ITGB4: variants seen among roughly 807,000 people sequenced by gnomAD.
ITGB4 encodes the protein integrin beta-4.
A neutral mutation model predicts 207.6 loss-of-function variants in ITGB4; 159 were observed. The ratio of observed to expected loss-of-function variants is 0.77; its 90% CI spans 0.67 to 0.87. The LOEUF (loss-of-function observed/expected upper bound fraction) is 0.87, where lower values mean the gene tolerates loss of function less well. Ranked by LOEUF, ITGB4 falls within the 40% of genes least tolerant of loss-of-function variation. The probability of loss-of-function intolerance (pLI) is 0.00; values close to 1 mark genes in which losing one functional copy is unlikely to be tolerated. For missense variants in ITGB4, 2,278 were observed against 2,546.8 expected, an observed-to-expected ratio of 0.89 and a Z score of 2.27; for synonymous variants, 1,020 against 1,062.7, an observed-to-expected ratio of 0.96 and a Z score of 0.78.
At chr17:75,749,244 T>C (rs1295122937) in intron 27 of ITGB4, among the ~76,000 whole-genome samples, 199 bp downstream of exon 27, 4 of 151,640 alleles carry the variant, frequency 2.6e-5, no homozygotes, top group Non-Finnish European at 5.9e-5. Context: ...TTTTGCAAAA[T>C]GGGCTGGGTA....
At chr17:75,741,761 G>T (rs968512709) in intron 23 of ITGB4, among the ~76,000 whole-genome samples, 1 of 151,648 alleles carries the variant, frequency 6.6e-6, no homozygotes, top group Non-Finnish European at 1.5e-5. Context: ...AGCCGAGATT[G>T]CGCCACTGCA....
In ITGB4 at chr17:75,732,357, C is replaced by A; in HGVS notation, c.1454+118C>A. The A allele has an allele frequency of 1.0e-6, 1 of 993,134 alleles. No individual in the cohort carries two copies. Among genetic ancestry groups the A allele is most frequent in the Non-Finnish European group, 1.6e-6 (1 of 636,360 alleles). 61.5% of individuals were successfully genotyped at this position (993,134 alleles called of 1,614,324 possible). On this transcript the variant is annotated intron_variant, in intron 12 of 39. Coordinates refer to ENST00000200181, the MANE Select transcript of ITGB4 (RefSeq NM_000213.5). The surrounding 1 kb of genome is among the most constrained non-coding windows in gnomAD (Gnocchi z 5.3). ...GTACACCTGGCTGGGGGTGGGGCGG[C>A]AATCAAAGAAACGGCTAAGGGCGGG...
intron 23 of ITGB4, among the ~76,000 whole-genome samples, chr17:75,741,450 G>C (rs369584326): frequency 6.6e-6 from 1 of 152,104 alleles, no homozygotes; most frequent in East Asian, 1.9e-4. Context: ...GGAGAGAGAG[G>C]GAGTGAGGAG....
intron 2 of ITGB4, among the ~76,000 whole-genome samples, chr17:75,726,554 G>A (rs373823927): frequency 2.4e-4 from 37 of 151,648 alleles, no homozygotes; most frequent in African/African-American, 8.7e-4. Flanking sequence ...CAACATGGTG[G>A]AACCCCATCT....
At position 75,731,326 on chromosome 17, in the gene ITGB4, G is replaced by C. The variant is rs767417049; in HGVS notation, c.1173G>C (p.Gln391His). ...CAGAGGTCACCTCCAAGATGTTCCA[G>C]AAGACGAGGACTGGGTCCTTTCACA... ...LRTEVTSKMF[Q>H]KTRTGSFHIR... Residue 391 changes from glutamine (Q) to histidine (H), a missense_variant, in exon 10 of 40, where the codon CAG becomes CAC. By Grantham distance (24) the Gln-to-His change is conservative. Transcript: ENST00000200181. This position sits in a 1 kb window ranked among gnomAD's most constrained non-coding sequence, Gnocchi z 6.8. The C allele has an allele frequency of 1.4e-5, 23 of 1,613,364 alleles. No individual in the cohort carries two copies. In the African/African-American group the frequency reaches 2.9e-4, roughly 21 times the overall value.
At chr17:75,756,676 G>A in intron 36 of ITGB4, 28 bp from the exon 37 acceptor site, 2 of 1,613,278 alleles carry the variant, frequency 1.2e-6, no homozygotes, top group Non-Finnish European at 8.5e-7. Context: ...CCACCCACAG[G>A]CTGATGCTCT....
rs776702719 is a variant in ITGB4, at chr17:75,740,496, T to C, written c.2550+35T>C. The C allele has an allele frequency of 6.5e-7, 1 of 1,528,440 alleles. No individual in the cohort carries two copies. Among genetic ancestry groups the C allele is most frequent in the South Asian group, 1.1e-5 (1 of 89,100 alleles). The allele number at this position is 1,528,440 out of a possible 1,614,324, so 94.7% of individuals were successfully genotyped here. A position where few individuals can be genotyped will look rare whatever the true frequency, so the allele number is the denominator to read the frequency against. Reference sequence around the variant, plus strand: ...CAGGAACTAGGCCTGGCCGGAGATGTGGGTATGAGGGCGGGTGAGGTGGGC... The same window carrying C: ...CAGGAACTAGGCCTGGCCGGAGATGCGGGTATGAGGGCGGGTGAGGTGGGC... On this transcript the variant is annotated intron_variant, in intron 21 of 39. Transcript: ENST00000200181. This position sits in a 1 kb window ranked among gnomAD's most constrained non-coding sequence, Gnocchi z 5.9.
chr17:75,753,683 G>A, intron 32 of ITGB4, 82 bp from the exon 33 acceptor site: 1 of 959,210 alleles, frequency 1.0e-6, no homozygotes, highest in South Asian at 4.5e-5. Context: ...TCCCCTCGCA[G>A]AGCCTACGGC....
At position 75,726,205 on chromosome 17, in the gene ITGB4, G is replaced by A. The variant is rs555698095; in HGVS notation, c.80-990G>A. On this transcript the variant is annotated intron_variant, in intron 2 of 39. Coordinates refer to ENST00000200181, the MANE Select transcript of ITGB4 (RefSeq NM_000213.5). ...CAGTGGCTCACGCCTATAATTCCCAGCACTTTGGGAGGCCAAGGTGGGAGG... is the reference window on the plus strand; with the variant it reads ...CAGTGGCTCACGCCTATAATTCCCAACACTTTGGGAGGCCAAGGTGGGAGG... Among the ~76,000 whole-genome samples the A allele has an allele frequency of 3.3e-5, 5 of 152,344 alleles. No homozygotes were observed. The East Asian group carries it at 9.6e-4, about 29-fold the overall frequency.
rs1304067060 is a variant in ITGB4, at chr17:75,727,674, G to A, written c.288G>A (p.Leu96=). The part of the protein sequence containing the change: ...ITEETQIDTT[L]RRSQMSPQGL... ...AGGAGACCCAGATTGACACCACCCT[G>A]CGGCGCAGCCAGATGTCCCCCCAAG... The change falls in exon 5 of 40, where the codon CTG becomes CTA. Residue 96 remains leucine, a synonymous_variant. Coordinates refer to ENST00000200181, the MANE Select transcript of ITGB4 (RefSeq NM_000213.5). This position sits in a 1 kb window ranked among gnomAD's most constrained non-coding sequence, Gnocchi z 6.0. The A allele has an allele frequency of 6.2e-7, 1 of 1,609,344 alleles. No homozygotes were observed. Among genetic ancestry groups the A allele is most frequent in the African/African-American group, 1.3e-5 (1 of 74,976 alleles).
Position 75,736,781 on chromosome 17 carries a change from G to T in ITGB4, c.1990+87G>T, listed in dbSNP as rs2060988463. 6 of 1,446,822 alleles carry T rather than the reference G, an allele frequency of 4.1e-6. No individual in the cohort carries two copies. In the African/African-American group the frequency reaches 4.2e-5, roughly 10 times the overall value. 89.6% of individuals were successfully genotyped at this position (1,446,822 alleles called of 1,614,324 possible). On this transcript the variant is annotated intron_variant, in intron 16 of 39. Coordinates refer to ENST00000200181, the MANE Select transcript of ITGB4 (RefSeq NM_000213.5). ...CAAGGGTGTCATCACCTGGACGGGG[G>T]CTTGCAGTCTGGGCTAAGGTCACAC...
In ITGB4 at chr17:75,757,539, A is replaced by C; in HGVS notation, c.5453A>C (p.Gln1818Pro). Residue 1818 changes from glutamine to proline, a missense_variant, in exon 40 of 40, where the codon CAG becomes CCG. Coordinates refer to ENST00000200181, the MANE Select transcript of ITGB4 (RefSeq NM_000213.5). Reference protein sequence around the residue: ...SGTLSTHMDQQFFQT With the variant: ...SGTLSTHMDQPFFQT Reference sequence around the variant, plus strand: ...ACCCTTAGCACCCACATGGACCAACAGTTCTTCCAAACTTGACCGCACCCT... The same window carrying C: ...ACCCTTAGCACCCACATGGACCAACCGTTCTTCCAAACTTGACCGCACCCT... 1 of 1,613,356 alleles carries C rather than the reference A, an allele frequency of 6.2e-7. No homozygotes were observed. Among genetic ancestry groups the C allele is most frequent in the Non-Finnish European group, 8.5e-7 (1 of 1,179,922 alleles).
chr17:75,755,131 G>C (rs768939865), intron 34 of ITGB4: 31 of 1,611,486 alleles, frequency 1.9e-5, no homozygotes, highest in Non-Finnish European at 2.5e-5. Context: ...GTCGGGCTCA[G>C]ATGAAAGGGT....
At chr17:75,730,739 G>T in intron 8 of ITGB4, 136 bp from the exon 9 acceptor site, 1 of 1,012,594 alleles carries the variant, frequency 9.9e-7, no homozygotes, top group East Asian at 2.4e-5. Flanking sequence ...AAGCAGGTGG[G>T]GGCTAAGAGG....
rs200441318 is a variant in ITGB4 at position 75,757,101 on chromosome 17, G to A, written c.5212G>A (p.Asp1738Asn). The A allele has an allele frequency of 3.7e-6, 6 of 1,612,952 alleles. No individual in the cohort carries two copies. The highest frequency in any genetic ancestry group is 3.3e-4 in the Middle Eastern group (2 of 6,062). ...REGIITIESQ[D>N]GGPFPQLGSR... ...GGGCATCATCACCATAGAGTCCCAG[G>A]ATGGAGGTAGGCACCTGTCCTTTCC... Residue 1738 changes from aspartate to asparagine, a missense_variant, in exon 38 of 40, where the codon GAT becomes AAT. By Grantham distance (23) the Asp-to-Asn change is conservative. Coordinates refer to ENST00000200181, the MANE Select transcript of ITGB4 (RefSeq NM_000213.5).
chr17:75,756,429 G>A lies in ITGB4; in HGVS notation c.4709G>A (p.Gly1570Asp), dbSNP rs1217106360. 6.2e-7 allele frequency: 1 copy of A among 1,613,128 alleles called. No homozygotes were observed. The highest frequency in any genetic ancestry group is 1.3e-5 in the African/African-American group (1 of 74,868). The change falls in exon 36 of 40, where the codon GGT (glycine) becomes GAT (aspartate). Residue 1570 changes from glycine (G) to aspartate (D), a missense_variant and splice_region_variant. Coordinates refer to ENST00000200181, the MANE Select transcript of ITGB4 (RefSeq NM_000213.5). The stretch of plus-strand genomic sequence containing the variant: ...GTGTGCCCCCACCTGATCCCCCCAG[G>A]TGAGCTGCATCGGCTCAACATCCCC... ...YSVEYQLLNG[G>D]ELHRLNIPNP... is the part of the protein sequence containing the mutation.
At chr17:75,744,547 A>AG (rs2061193320) in intron 26 of ITGB4, among the ~76,000 whole-genome samples, 1 of 152,078 alleles carries the variant, frequency 6.6e-6, no homozygotes, top group South Asian at 2.1e-4. Context: ...GCCCCAGTCC[A>AG]GGGGGCTTTG....
intron 16 of ITGB4, 141 bp downstream of exon 16, chr17:75,736,835 G>A (rs1289632032): frequency 1.1e-6 from 1 of 947,826 alleles, no homozygotes; most frequent in East Asian, 2.6e-5. Flanking sequence ...AGAGCTGGGA[G>A]GGACCACAGA....
chr17:75,736,730 G>A (rs759251596), intron 16 of ITGB4, 36 bp downstream of exon 16: 13 of 1,573,368 alleles, frequency 8.3e-6, no homozygotes, highest in African/African-American at 5.4e-5. Context: ...GTTGCTGAGA[G>A]CCTAGGCAGC....
Sources: allele counts gnomAD v4.1 joint callset (sites outside exome capture counted in the v4.1 genomes callset), GRCh38; gene constraint gnomAD v4.1.1; non-coding constraint Gnocchi (gnomAD v3.1); transcripts MANE v1.5; gene names NCBI Gene and HGNC (gene_info 2026-07-23, HGNC 2026-07-21).